The following SLC35H1 variants were observed in gnomAD, a reference collection of about 807,000 sequenced individuals.
SLC35H1 encodes the protein solute carrier family 35 member H1, also known as ovarian cancer-overexpressed gene 1 protein.
At chr20:46,362,070 T>G in the SLC35H1 span, among the ~76,000 whole-genome samples, 1 of 152,134 alleles carries the variant, frequency 6.6e-6, no homozygotes, top group Admixed American at 6.5e-5. Flanking sequence ...GTCTCAAATT[T>G]AACTTATTTT....
At chr20:46,348,232 G>C in the SLC35H1 span, 1 of 152,206 alleles carries the variant, frequency 6.6e-6, no homozygotes, top group Admixed American at 6.5e-5. Context: ...CTAAATGAAG[G>C]GCTGTCATTG....
At chr20:46,352,908 A>C in the SLC35H1 span, 1 of 152,584 alleles carries the variant, frequency 6.6e-6, no homozygotes, top group Non-Finnish European at 1.5e-5. Context: ...GTATTCCCTT[A>C]CTGGTCTGTG....
the SLC35H1 span, among the ~76,000 whole-genome samples, chr20:46,353,492 C>A: frequency 6.6e-6 from 1 of 152,060 alleles, no homozygotes; most frequent in African/African-American, 2.4e-5. Context: ...GGAAGCTGGA[C>A]GAGTATTTTG....
At chr20:46,351,268 G>A in the SLC35H1 span, among the ~76,000 whole-genome samples, 4 of 152,200 alleles carry the variant, frequency 2.6e-5, no homozygotes, top group Admixed American at 6.5e-5. Flanking sequence ...GTGTTACCCC[G>A]GACTGAAGAC....
chr20:46,361,507 G>T, the SLC35H1 span, among the ~76,000 whole-genome samples: 2 of 152,112 alleles, frequency 1.3e-5, no homozygotes, highest in African/African-American at 4.8e-5. Flanking sequence ...TCAAACATAC[G>T]TCTACAGATC....
the SLC35H1 span, chr20:46,355,207 G>T: frequency 1.2e-6 from 2 of 1,613,834 alleles, no homozygotes; most frequent in African/African-American, 2.7e-5. The surrounding 1 kb of genome is among the most constrained non-coding windows in gnomAD (Gnocchi z 4.8). Flanking sequence ...GAGACCCCCG[G>T]CGATGAGGAG....
chr20:46,352,009 T>G, the SLC35H1 span: 1 of 1,600,132 alleles, frequency 6.2e-7, no homozygotes, highest in Admixed American at 1.7e-5. Context: ...CCCTGGGGGC[T>G]CCCTCTCTAA....
the SLC35H1 span, chr20:46,363,315 C>T: frequency 6.6e-6 from 1 of 152,188 alleles, no homozygotes; most frequent in Non-Finnish European, 1.5e-5. Context: ...ATCCACTTGC[C>T]AATGATTTCT....
chr20:46,356,945 C>A, the SLC35H1 span, among the ~76,000 whole-genome samples: 3 of 152,226 alleles, frequency 2.0e-5, no homozygotes, highest in African/African-American at 7.2e-5. Context: ...TACTGGAAAC[C>A]CTTTTCCCTC....
chr20:46,347,051 T>C, the SLC35H1 span: 2 of 152,398 alleles, frequency 1.3e-5, no homozygotes, highest in Middle Eastern at 3.4e-3. Flanking sequence ...GTGATGACTA[T>C]GAGCCGAGCA....
chr20:46,354,983 G>A, the SLC35H1 span: 1 of 1,613,890 alleles, frequency 6.2e-7, no homozygotes. Flanking sequence ...GCGGGGGACA[G>A]GCACCATCAG....
chr20:46,351,488 G>A, the SLC35H1 span, among the ~76,000 whole-genome samples: 1 of 152,216 alleles, frequency 6.6e-6, no homozygotes, highest in Admixed American at 6.5e-5. Flanking sequence ...GAACAGGGAG[G>A]ACTGTTGAAA....
At chr20:46,351,342 C>T in the SLC35H1 span, among the ~76,000 whole-genome samples, 2 of 152,236 alleles carry the variant, frequency 1.3e-5, no homozygotes, top group Non-Finnish European at 2.9e-5. Context: ...GCCGTTCATC[C>T]AAGAACCACA....
the SLC35H1 span, chr20:46,354,848 C>A: frequency 2.6e-6 from 4 of 1,547,880 alleles, no homozygotes; most frequent in South Asian, 4.7e-5. Context: ...GTCTGCTGCA[C>A]TGAGGTGCCC....
the SLC35H1 span, chr20:46,350,617 C>A: frequency 6.6e-7 from 1 of 1,514,352 alleles, no homozygotes; most frequent in Non-Finnish European, 8.9e-7. Context: ...CAGGCCCCAC[C>A]CACCCACTCT....
chr20:46,355,971 C>T, the SLC35H1 span: 1 of 1,560,654 alleles, frequency 6.4e-7, no homozygotes, highest in Non-Finnish European at 8.7e-7. The surrounding 1 kb of genome is among the most constrained non-coding windows in gnomAD (Gnocchi z 4.8). Context: ...GCGAAATGAC[C>T]AAACAGAGCT....
At chr20:46,360,974 T>C in the SLC35H1 span, among the ~76,000 whole-genome samples, 6 of 152,176 alleles carry the variant, frequency 3.9e-5, no homozygotes, top group African/African-American at 9.7e-5. Context: ...ATCCAATGAG[T>C]TGAGACTCCT....
the SLC35H1 span, chr20:46,350,327 T>C: frequency 6.6e-7 from 1 of 1,525,590 alleles, no homozygotes. Flanking sequence ...CCCTGGCGGC[T>C]TGAGCACAGT....
At chr20:46,348,342 G>A in the SLC35H1 span, 2 of 152,324 alleles carry the variant, frequency 1.3e-5, no homozygotes, top group East Asian at 3.9e-4. Context: ...GGCAGTGGGG[G>A]AGCAGACAGG....
Sources: gnomAD v4.1 joint callset for allele counts (sites outside exome capture counted in the v4.1 genomes callset) on GRCh38, gnomAD v4.1.1 for gene constraint, Gnocchi (gnomAD v3.1) non-coding constraint, MANE v1.5 for transcripts, NCBI Gene and HGNC (gene_info 2026-07-23, HGNC 2026-07-21) for gene names.